The following MTUS2 variants were observed in gnomAD, a reference collection of about 807,000 sequenced individuals.
The protein encoded by MTUS2 is microtubule associated scaffold protein 2, also known as microtubule-associated tumor suppressor candidate 2.
In MTUS2, 40 loss-of-function variants were observed where a neutral mutation model predicts 114.1. The observed-to-expected ratio is 0.35, with a 90% CI of 0.27 to 0.46. The LOEUF (loss-of-function observed/expected upper bound fraction) is 0.46. Ranked by LOEUF, MTUS2 falls within the 20% of genes least tolerant of loss-of-function variation. MTUS2 has a pLI of 1.00. For missense variants in MTUS2, 1,679 were observed against 1,705.4 expected, an observed-to-expected ratio of 0.98 and a Z score of 0.27; for synonymous variants, 688 against 672.0, an observed-to-expected ratio of 1.02 and a Z score of -0.37.
At chr13:28,957,613 T>G (rs1304201893) in intron 2 of MTUS2, among the ~76,000 whole-genome samples, 1 of 152,224 alleles carries the variant, frequency 6.6e-6, no homozygotes, top group Non-Finnish European at 1.5e-5. Flanking sequence ...CAGGAAGATG[T>G]GCTCAGGTTA....
At chr13:29,034,454 A>C (rs1422797121) in intron 4 of MTUS2, among the ~76,000 whole-genome samples, 1 of 152,150 alleles carries the variant, frequency 6.6e-6, no homozygotes, top group African/African-American at 2.4e-5. Context: ...TGTAGGTCCT[A>C]AGGGGTTAAT....
chr13:29,055,226 A>G (rs1015301416), intron 4 of MTUS2, among the ~76,000 whole-genome samples: 3 of 151,926 alleles, frequency 2.0e-5, no homozygotes, highest in African/African-American at 7.2e-5. Flanking sequence ...AGGTGCATAA[A>G]CTCATTTGGG....
chr13:29,248,260 G>T (rs1244930754), intron 5 of MTUS2, among the ~76,000 whole-genome samples: 1 of 151,992 alleles, frequency 6.6e-6, no homozygotes, highest in African/African-American at 2.4e-5. Context: ...GGTGGGAGGG[G>T]GGTCATGGAT....
At chr13:28,935,142 T>C (rs73161881) in intron 2 of MTUS2, among the ~76,000 whole-genome samples, 17,118 of 150,118 alleles carry the variant, frequency 0.11, 1,095 homozygotes, top group African/African-American at 0.17. Flanking sequence ...TGTAGTTCTT[T>C]TCTTCATTGC....
intron 7 of MTUS2, among the ~76,000 whole-genome samples, chr13:29,325,156 C>A (rs562514631): frequency 1.3e-5 from 2 of 152,102 alleles, no homozygotes; most frequent in South Asian, 4.1e-4. Context: ...TCAAAAATTG[C>A]TTATTATGAA....
chr13:29,126,642 T>A (rs968352094), intron 5 of MTUS2, among the ~76,000 whole-genome samples: 3 of 150,096 alleles, frequency 2.0e-5, no homozygotes, highest in Non-Finnish European at 3.0e-5. Context: ...TTTTTTTTTT[T>A]AAATTTTAGC....
At chr13:29,337,588 T>C (rs1901135287) in intron 7 of MTUS2, among the ~76,000 whole-genome samples, 1 of 136,272 alleles carries the variant, frequency 7.3e-6, no homozygotes. Flanking sequence ...GCTGTTTTAT[T>C]TATTTTTTAT....
intron 6 of MTUS2, among the ~76,000 whole-genome samples, chr13:29,286,699 T>TATCTATCTATCTATC (rs1566110757): frequency 2.0e-5 from 3 of 151,942 alleles, no homozygotes; most frequent in Non-Finnish European, 4.4e-5. Flanking sequence ...TCTATCTATC[T>TATCTATCTATCTATC]TACTTATTTG....
chr13:28,960,479 G>T (rs907127348), intron 2 of MTUS2, among the ~76,000 whole-genome samples: 7 of 152,106 alleles, frequency 4.6e-5, no homozygotes, highest in African/African-American at 1.4e-4. Flanking sequence ...CAATACAAGT[G>T]CATACACAAT....
At chr13:28,927,404 A>G (rs767800017) in intron 2 of MTUS2, among the ~76,000 whole-genome samples, 3 of 152,062 alleles carry the variant, frequency 2.0e-5, no homozygotes, top group African/African-American at 4.8e-5. Context: ...CTAAAAAAAA[A>G]GAAAAGAAAA....
chr13:29,026,248 A>T lies in MTUS2; in HGVS notation c.1550A>T (p.Asp517Val), dbSNP rs1886539699. The T allele has an allele frequency of 6.2e-7, 1 of 1,613,878 alleles. No homozygotes were observed. The highest frequency in any genetic ancestry group is 1.7e-5 in the Admixed American group (1 of 60,008). ...AENRNLLENA[D>V]KIESTSARAD... ...AACAGGAACCTTCTAGAGAATGCAG[A>T]TAAGATTGAAAGCACCTCAGCAAGA... is the stretch of plus-strand genomic sequence containing the variant. Residue 517 changes from aspartate to valine, a missense_variant, in exon 3 of 16, where the codon GAT becomes GTT. Transcript: ENST00000612955.
At chr13:29,500,150 C>T (rs1455692442) in intron 14 of MTUS2, among the ~76,000 whole-genome samples, 1 of 152,224 alleles carries the variant, frequency 6.6e-6, no homozygotes, top group African/African-American at 2.4e-5. Context: ...AGGCTTTCTG[C>T]CTGCCCATAT....
intron 4 of MTUS2, among the ~76,000 whole-genome samples, chr13:29,100,544 G>A (rs532920401): frequency 2.6e-5 from 4 of 152,178 alleles, no homozygotes; most frequent in African/African-American, 7.2e-5. Context: ...CGGTAAATTT[G>A]TCCAGGCTGG....
At chr13:29,254,527 C>T (rs759367714) in intron 5 of MTUS2, among the ~76,000 whole-genome samples, 3 of 152,216 alleles carry the variant, frequency 2.0e-5, no homozygotes, top group Non-Finnish European at 4.4e-5. Context: ...GCCACGTGGC[C>T]GTGTTGCTGT....
At chr13:28,919,022 T>A (rs1401835307) in intron 2 of MTUS2, among the ~76,000 whole-genome samples, 2 of 152,096 alleles carry the variant, frequency 1.3e-5, no homozygotes, top group Admixed American at 1.3e-4. Context: ...CTTTGTGTCT[T>A]ATTCTGTGTT....
intron 5 of MTUS2, among the ~76,000 whole-genome samples, chr13:29,271,336 T>C (rs1485018067): frequency 6.6e-6 from 1 of 152,220 alleles, no homozygotes; most frequent in Non-Finnish European, 1.5e-5. Flanking sequence ...TCTTTCTTCC[T>C]GAATTTTCCA....
chr13:28,994,458 ATCCCTGAGG>A (rs1885000505), intron 2 of MTUS2, among the ~76,000 whole-genome samples: 1 of 152,162 alleles, frequency 6.6e-6, no homozygotes, highest in Non-Finnish European at 1.5e-5. Flanking sequence ...CTAGTTCTAG[ATCCCTGAGG>A]AATCGCCACA....
At position 29,157,820 on chromosome 13, in the gene MTUS2, G is replaced by GTAGATATAGATA. The variant is rs1332176828; in HGVS notation, c.2644+56868_2644+56879dup. On this transcript the variant is annotated intron_variant, in intron 5 of 15. Transcript: ENST00000612955. The stretch of plus-strand genomic sequence containing the variant: ...GATAGATATAGATACAGATATAGAT[G>GTAGATATAGATA]TAGATATAGATATAGATATAGATAT... Among the ~76,000 whole-genome samples the GTAGATATAGATA allele has an allele frequency of 1.8e-3, 210 of 115,486 alleles. 1 individual carries two copies. Among genetic ancestry groups the GTAGATATAGATA allele is most frequent in the African/African-American group, 5.2e-3 (202 of 38,492 alleles). 75.8% of individuals were successfully genotyped at this position (115,486 alleles called of 152,430 possible).
intron 7 of MTUS2, among the ~76,000 whole-genome samples, chr13:29,350,880 C>A (rs1869173234): frequency 6.6e-6 from 1 of 150,954 alleles, no homozygotes; most frequent in Non-Finnish European, 1.5e-5. Context: ...CATGAGGGCC[C>A]CACTCTTGGG....
Sources: gnomAD v4.1 joint callset for allele counts (sites outside exome capture counted in the v4.1 genomes callset) on GRCh38, gnomAD v4.1.1 for gene constraint, MANE v1.5 for transcripts, NCBI Gene and HGNC (gene_info 2026-07-23, HGNC 2026-07-21) for gene names.